Variants in RBMS3 observed in about 807,000 individuals in gnomAD.
The protein encoded by RBMS3 is RNA binding motif single stranded interacting protein 3.
RBMS3 carries 27 observed loss-of-function variants against 66.8 expected under a neutral mutation model. That is an observed-to-expected ratio of 0.40 (90% CI 0.30 to 0.56). RBMS3 has a LOEUF of 0.56. RBMS3 is among the 20% of genes least tolerant of loss of function. The probability of loss-of-function intolerance (pLI) is 0.40; values close to 1 mark genes in which losing one functional copy is unlikely to be tolerated. For missense variants in RBMS3, 513 were observed against 549.5 expected (o/e 0.93, Z 0.66); for synonymous variants, 188 against 183.0 (o/e 1.03, Z -0.22).
intron 6 of RBMS3, among the ~76,000 whole-genome samples, chr3:29,848,976 T>G (rs1306752380): frequency 6.6e-6 from 1 of 152,210 alleles, no homozygotes; most frequent in Admixed American, 6.5e-5. Flanking sequence ...TTTCTAGATC[T>G]TTTGTAAAAT....
At chr3:29,524,221 G>A (rs750589272) in intron 3 of RBMS3, among the ~76,000 whole-genome samples, 10 of 147,902 alleles carry the variant, frequency 6.8e-5, no homozygotes, top group Non-Finnish European at 1.2e-4. Flanking sequence ...GATTTGAACT[G>A]GTATCTGTCT....
rs1360086587 is a variant in RBMS3 at position 29,892,947 on chromosome 3, C to T, written c.792-4432C>T. ...GAAAAAAAGCTAAGAGATTTGGAAA[C>T]ACATTCTGCAGTTCCCTCCTTGGAG... On this transcript the variant is annotated intron_variant, in intron 8 of 14. Coordinates refer to ENST00000383767, the MANE Select transcript of RBMS3 (RefSeq NM_001003793.3). 3.3e-5 allele frequency among the ~76,000 whole-genome samples: 5 copies of T among 151,156 alleles called. No homozygotes were observed. The East Asian group carries it at 5.9e-4, about 18-fold the overall frequency.
At chr3:29,522,383 G>T (rs776096142) in intron 3 of RBMS3, among the ~76,000 whole-genome samples, 1 of 152,068 alleles carries the variant, frequency 6.6e-6, no homozygotes. Flanking sequence ...TAGTAGAGAC[G>T]GGGTTTTATC....
At chr3:29,528,306 T>G (rs2148988322) in intron 3 of RBMS3, among the ~76,000 whole-genome samples, 1 of 152,040 alleles carries the variant, frequency 6.6e-6, no homozygotes, top group South Asian at 2.1e-4. Context: ...AGAGATGGGG[T>G]TTCACCATGT....
At chr3:29,621,808 CAG>C (rs1310325014) in intron 4 of RBMS3, among the ~76,000 whole-genome samples, 3 of 151,798 alleles carry the variant, frequency 2.0e-5, no homozygotes, top group Non-Finnish European at 2.9e-5. Flanking sequence ...TCTCAGGTAA[CAG>C]AGGAAATCTG....
chr3:29,848,460 A>G (rs2058845495), intron 6 of RBMS3, among the ~76,000 whole-genome samples: 1 of 152,218 alleles, frequency 6.6e-6, no homozygotes, highest in Admixed American at 6.5e-5. Flanking sequence ...GGATAACTAT[A>G]GTTTCTAGGG....
At chr3:29,639,118 A>T (rs2049584996) in intron 4 of RBMS3, among the ~76,000 whole-genome samples, 1 of 151,804 alleles carries the variant, frequency 6.6e-6, no homozygotes, top group South Asian at 2.1e-4. Context: ...TTGAGGGAAG[A>T]GGCCTGGGTG....
At chr3:29,374,543 G>C (rs1306207645) in intron 1 of RBMS3, among the ~76,000 whole-genome samples, 1 of 152,134 alleles carries the variant, frequency 6.6e-6, no homozygotes, top group Non-Finnish European at 1.5e-5. Flanking sequence ...AATTACCTAA[G>C]ATATTCAAGA....
At chr3:29,777,103 T>TC (rs1178187942) in intron 6 of RBMS3, among the ~76,000 whole-genome samples, 4 of 151,950 alleles carry the variant, frequency 2.6e-5, no homozygotes, top group African/African-American at 9.6e-5. Flanking sequence ...GGGCCTGCAT[T>TC]CCCCTCATTC....
At chr3:29,423,554 G>A (rs918373082) in intron 1 of RBMS3, among the ~76,000 whole-genome samples, 9 of 152,130 alleles carry the variant, frequency 5.9e-5, no homozygotes, top group Admixed American at 2.6e-4. Context: ...CATAGAAACT[G>A]TGACCATTAT....
At chr3:29,909,911 T>G (rs1444165348) in intron 10 of RBMS3, among the ~76,000 whole-genome samples, 1 of 152,116 alleles carries the variant, frequency 6.6e-6, no homozygotes, top group Non-Finnish European at 1.5e-5. Flanking sequence ...AGGCACAGCA[T>G]TCTGGACATG....
intron 3 of RBMS3, among the ~76,000 whole-genome samples, chr3:29,533,926 T>C (rs1355648143): frequency 6.6e-6 from 1 of 152,250 alleles, no homozygotes; most frequent in Non-Finnish European, 1.5e-5. Flanking sequence ...CACCAAGTGT[T>C]TCTTGATCAA....
At chr3:29,658,093 A>G (rs1402727405) in intron 4 of RBMS3, among the ~76,000 whole-genome samples, 1 of 152,186 alleles carries the variant, frequency 6.6e-6, no homozygotes, top group Non-Finnish European at 1.5e-5. Context: ...ATTCTTGGCA[A>G]GTTAATTCTG....
intron 1 of RBMS3, among the ~76,000 whole-genome samples, chr3:29,288,120 G>A (rs1276113551): frequency 1.3e-5 from 2 of 152,052 alleles, no homozygotes; most frequent in Non-Finnish European, 2.9e-5. Flanking sequence ...ATCATTTTGT[G>A]GGGGAATTCT....
At chr3:29,526,787 T>C (rs538452158) in intron 3 of RBMS3, among the ~76,000 whole-genome samples, 3 of 152,064 alleles carry the variant, frequency 2.0e-5, no homozygotes, top group Non-Finnish European at 4.4e-5. Flanking sequence ...TATTTAAAGA[T>C]AGATAACGTT....
At chr3:29,877,740 C>T (rs576544375) in intron 7 of RBMS3, among the ~76,000 whole-genome samples, 65 of 152,204 alleles carry the variant, frequency 4.3e-4, no homozygotes, top group Admixed American at 7.8e-4. Context: ...CTGACTGTGC[C>T]GGAGTTGTTC....
chr3:29,426,446 C>A (rs1020430726), intron 1 of RBMS3, among the ~76,000 whole-genome samples: 6 of 152,304 alleles, frequency 3.9e-5, no homozygotes, highest in African/African-American at 1.4e-4. Context: ...GAATAGAATT[C>A]AATGACTTTA....
intron 10 of RBMS3, among the ~76,000 whole-genome samples, chr3:29,930,289 T>A (rs2061084948): frequency 6.6e-6 from 1 of 151,160 alleles, no homozygotes; most frequent in Admixed American, 6.6e-5. Flanking sequence ...TTTTTTCTAT[T>A]TTTTAGTAGA....
chr3:29,294,518 G>A (rs150436054), intron 1 of RBMS3, among the ~76,000 whole-genome samples: 59 of 151,882 alleles, frequency 3.9e-4, no homozygotes, highest in African/African-American at 1.3e-3. Flanking sequence ...TCAGTGAGGG[G>A]CAGAAGTGGA....
Sources: gnomAD v4.1 joint callset for allele counts (sites outside exome capture counted in the v4.1 genomes callset) on GRCh38, gnomAD v4.1.1 for gene constraint, MANE v1.5 for transcripts, NCBI Gene and HGNC (gene_info 2026-07-23, HGNC 2026-07-21) for gene names.